ZC3H8: variants seen among roughly 807,000 people sequenced by gnomAD.
The protein encoded by ZC3H8 is zinc finger CCCH domain-containing protein 8.
Under a neutral mutation model 42.5 loss-of-function variants are expected in ZC3H8, and 27 were observed. The ratio of observed to expected loss-of-function variants is 0.64; its 90% CI spans 0.47 to 0.88. The LOEUF is 0.88. Among genes scored for constraint, ZC3H8 ranks in the 40% least tolerant of loss-of-function variants. ZC3H8 has a pLI of 0.00. For synonymous variants in ZC3H8, 101 were observed against 110.1 expected (o/e 0.92, Z 0.52); for missense variants, 277 against 336.1 (o/e 0.82, Z 1.37).
At chr2:112,233,462 G>A (rs1482391608) in intron 5 of ZC3H8, 91 bp from the exon 6 acceptor site, 2 of 868,980 alleles carry the variant, frequency 2.3e-6, no homozygotes, top group Non-Finnish European at 3.6e-6. Context: ...ATAAGCAAAT[G>A]ATTCCAGAAA....
chr2:112,253,508 T>C (rs149376351), intron 1 of ZC3H8, among the ~76,000 whole-genome samples: 27 of 152,302 alleles, frequency 1.8e-4, no homozygotes, highest in Admixed American at 7.8e-4. Flanking sequence ...AATAATGCCA[T>C]AGGCAAAGAC....
chr2:112,249,444 T>TG (rs1685870431), intron 2 of ZC3H8, among the ~76,000 whole-genome samples: 2 of 152,038 alleles, frequency 1.3e-5, no homozygotes, highest in African/African-American at 4.8e-5. Flanking sequence ...GGGTTTTTTT[T>TG]GTTTTTGTTT....
intron 2 of ZC3H8, among the ~76,000 whole-genome samples, chr2:112,249,308 C>A (rs1685863852): frequency 6.6e-6 from 1 of 152,220 alleles, no homozygotes; most frequent in Non-Finnish European, 1.5e-5. Context: ...AGATTGCCAG[C>A]ATTCCATCAG....
chr2:112,236,135 G>T (rs1685318181), intron 4 of ZC3H8, among the ~76,000 whole-genome samples: 2 of 151,946 alleles, frequency 1.3e-5, no homozygotes, highest in Non-Finnish European at 2.9e-5. Context: ...ATGGTGGCGG[G>T]CGCCTGTAGT....
chr2:112,234,805 GA>G (rs112803375), intron 4 of ZC3H8, among the ~76,000 whole-genome samples: 182 of 134,846 alleles, frequency 1.3e-3, no homozygotes, highest in Middle Eastern at 3.8e-3. Flanking sequence ...ATCTCAGGGA[GA>G]AAAAAAAAAA....
At chr2:112,254,030 C>T in intron 1 of ZC3H8, 1 of 836,130 alleles carries the variant, frequency 1.2e-6, no homozygotes, top group Admixed American at 6.2e-5. Context: ...ATCTGTAAAA[C>T]GAGGACGGCA....
intron 2 of ZC3H8, among the ~76,000 whole-genome samples, chr2:112,240,975 G>GTC (rs1238846750): frequency 1.4e-5 from 2 of 144,930 alleles, no homozygotes; most frequent in Non-Finnish European, 3.0e-5. Flanking sequence ...GTGTGTGTGT[G>GTC]TGTGTGTGTG....
chr2:112,244,076 TCAC>T (rs980827944), intron 2 of ZC3H8, among the ~76,000 whole-genome samples: 3 of 144,100 alleles, frequency 2.1e-5, no homozygotes, highest in African/African-American at 5.3e-5. Context: ...ATAAATAATC[TCAC>T]CACAATAGCA....
At chr2:112,250,375 CAAAG>C (rs1224695763) in intron 1 of ZC3H8, 103 bp from the exon 2 acceptor site, 2 of 690,694 alleles carry the variant, frequency 2.9e-6, no homozygotes, top group African/African-American at 3.7e-5. Context: ...AACTTACCCT[CAAAG>C]AAATTACAAA....
At chr2:112,218,360 G>GC (rs1201795631) in intron 8 of ZC3H8, among the ~76,000 whole-genome samples, 1 of 152,132 alleles carries the variant, frequency 6.6e-6, no homozygotes, top group Non-Finnish European at 1.5e-5. Context: ...TCTTCTAGTG[G>GC]AAATGCCTCT....
intron 1 of ZC3H8, among the ~76,000 whole-genome samples, chr2:112,251,481 T>C (rs540372105): frequency 2.5e-4 from 38 of 152,308 alleles, no homozygotes; most frequent in African/African-American, 8.9e-4. Flanking sequence ...AATCATCTCA[T>C]GGAGTAGGAG....
Position 112,234,165 on chromosome 2 carries a change from C to G in ZC3H8, c.576G>C (p.Lys192Asn), listed in dbSNP as rs756159951. 8 of 1,606,686 alleles carry G rather than the reference C, an allele frequency of 5.0e-6. No individual in the cohort carries two copies. In the East Asian group the frequency reaches 1.6e-4, roughly 32 times the overall value. ...GAAAATATTTACAAATTTGTTTTCCCTTGCGTTCCACTGTATGTTGGTTGA... is the reference window on the plus strand; with the variant it reads ...GAAAATATTTACAAATTTGTTTTCCGTTGCGTTCCACTGTATGTTGGTTGA... ...AFINQHTVER[K>N]GKQICKYFLE... Residue 192 changes from lysine to asparagine, a missense_variant, in exon 5 of 9, where the codon AAG (lysine) becomes AAC (asparagine). Transcript: ENST00000409573.
chr2:112,234,047 A>G, intron 5 of ZC3H8, 73 bp downstream of exon 5: 1 of 852,472 alleles, frequency 1.2e-6, no homozygotes, highest in Non-Finnish European at 1.7e-6. Flanking sequence ...ACCTAAAGGT[A>G]TGAATTAAAA....
chr2:112,252,787 C>CACAGATTT (rs770963039), intron 1 of ZC3H8, among the ~76,000 whole-genome samples: 99 of 152,314 alleles, frequency 6.5e-4, no homozygotes, highest in Non-Finnish European at 1.2e-3. Flanking sequence ...CAGGTCCCTA[C>CACAGATTT]ACAGATTTTT....
At chr2:112,250,121 G>A in intron 2 of ZC3H8, 70 bp downstream of exon 2, 1 of 1,116,132 alleles carries the variant, frequency 9.0e-7, no homozygotes, top group Non-Finnish European at 1.2e-6. Flanking sequence ...TTCTTTTTTT[G>A]TTGTTCCATG....
chr2:112,222,947 C>A (rs1276293484), intron 8 of ZC3H8, among the ~76,000 whole-genome samples: 1 of 152,090 alleles, frequency 6.6e-6, no homozygotes, highest in East Asian at 1.9e-4. Context: ...TGTATTTTAT[C>A]ACAATAAAAA....
chr2:112,228,916 T>C (rs1260754074), intron 8 of ZC3H8, among the ~76,000 whole-genome samples: 1 of 151,550 alleles, frequency 6.6e-6, no homozygotes, highest in African/African-American at 2.4e-5. Flanking sequence ...TGGGCAGAGA[T>C]CTAAACTGAC....
chr2:112,247,345 C>T (rs996632196), intron 2 of ZC3H8, among the ~76,000 whole-genome samples: 2 of 152,120 alleles, frequency 1.3e-5, no homozygotes, highest in South Asian at 2.1e-4. Flanking sequence ...GAGGCTGAGG[C>T]GGGCCAATCA....
At position 112,215,411 on chromosome 2, in the gene ZC3H8, C is replaced by T. The variant is rs1393094185; in HGVS notation, c.*1073G>A. On this transcript the variant is annotated 3_prime_UTR_variant, in exon 9 of 9. Coordinates refer to ENST00000409573, the MANE Select transcript of ZC3H8 (RefSeq NM_032494.3). The stretch of plus-strand genomic sequence containing the variant: ...AGGATTTACCCTTGTTTCCTGCTTT[C>T]TTTCGTCTTGTCTGATAAACCTTTG... 6.6e-6 allele frequency: 1 copy of T among 152,204 alleles called. No individual in the cohort carries two copies. Among genetic ancestry groups the T allele is most frequent in the African/African-American group, 2.4e-5 (1 of 41,440 alleles). 9.4% of individuals were successfully genotyped at this position (152,204 alleles called of 1,614,324 possible). A position where few individuals can be genotyped will look rare whatever the true frequency, so the allele number is the denominator to read the frequency against.
Sources: allele counts gnomAD v4.1 joint callset (sites outside exome capture counted in the v4.1 genomes callset), GRCh38; gene constraint gnomAD v4.1.1; transcripts MANE v1.5; gene names NCBI Gene and HGNC (gene_info 2026-07-23, HGNC 2026-07-21).